Variants in CCDC122 observed in about 807,000 individuals in gnomAD.
The protein encoded by CCDC122 is coiled-coil domain-containing protein 122.
A neutral mutation model predicts 37.0 loss-of-function variants in CCDC122; 38 were observed. That is an observed-to-expected ratio of 1.03 (90% CI 0.79 to 1.35). CCDC122 has a LOEUF of 1.35. Ranked by LOEUF, CCDC122 falls within the 40% of genes most tolerant of loss-of-function variation. The probability of loss-of-function intolerance (pLI) is 0.00; values close to 1 mark genes in which losing one functional copy is unlikely to be tolerated. For synonymous variants in CCDC122, 83 were observed against 95.6 expected (o/e 0.87, Z 0.77); for missense variants, 305 against 310.0 (o/e 0.98, Z 0.12).
intron 4 of CCDC122, among the ~76,000 whole-genome samples, chr13:43,862,839 G>A (rs942460073): frequency 5.9e-5 from 9 of 152,068 alleles, no homozygotes; most frequent in Non-Finnish European, 8.8e-5. Context: ...TTGGACTAAT[G>A]TAATTGACTA....
chr13:43,825,082 A>G (rs1953027133), intron 3 of CCDC122, among the ~76,000 whole-genome samples: 1 of 152,250 alleles, frequency 6.6e-6, no homozygotes, highest in Non-Finnish European at 1.5e-5. Context: ...GTTCTACCAA[A>G]AAGACCCTTG....
chr13:43,863,330 ATGT>A (rs1253038848), intron 4 of CCDC122, among the ~76,000 whole-genome samples: 1 of 152,106 alleles, frequency 6.6e-6, no homozygotes, highest in Non-Finnish European at 1.5e-5. Flanking sequence ...AGATTCATCC[ATGT>A]TGTTGTATAT....
At chr13:43,855,615 C>G (rs993562684) in intron 6 of CCDC122, 3 of 151,698 alleles carry the variant, frequency 2.0e-5, no homozygotes, top group African/African-American at 7.3e-5. Context: ...CATCATAAAT[C>G]ATTAGGGAAA....
chr13:43,838,459 G>A (rs978654420), intron 6 of CCDC122, among the ~76,000 whole-genome samples: 9 of 152,014 alleles, frequency 5.9e-5, no homozygotes, highest in Admixed American at 1.3e-4. Context: ...TCTTCGTGTC[G>A]GGCCACAAGA....
chr13:43,853,333 T>C (rs533937925), intron 6 of CCDC122, among the ~76,000 whole-genome samples: 1 of 151,328 alleles, frequency 6.6e-6, no homozygotes, highest in South Asian at 2.1e-4. Flanking sequence ...AAATCAGGAG[T>C]TGCAATCCTG....
chr13:43,865,968 A>C (rs1340695234), intron 4 of CCDC122, among the ~76,000 whole-genome samples: 1 of 152,182 alleles, frequency 6.6e-6, no homozygotes, highest in Non-Finnish European at 1.5e-5. Flanking sequence ...CATTAAGTAA[A>C]ATAAGGTTTA....
intron 6 of CCDC122, among the ~76,000 whole-genome samples, chr13:43,846,831 T>C (rs1309255810): frequency 1.3e-5 from 2 of 152,048 alleles, no homozygotes; most frequent in African/African-American, 4.8e-5. Flanking sequence ...TAAGGAAAAA[T>C]TCAACATTTA....
chr13:43,846,276 G>A (rs991280220), intron 6 of CCDC122, among the ~76,000 whole-genome samples: 5 of 152,072 alleles, frequency 3.3e-5, no homozygotes, highest in East Asian at 1.9e-4. Flanking sequence ...GTTTCAACAC[G>A]TTGGCCAGGC....
intron 1 of CCDC122, among the ~76,000 whole-genome samples, chr13:43,876,983 C>T (rs13378310): frequency 0.011 from 1,713 of 152,118 alleles, 27 homozygotes; most frequent in African/African-American, 0.04. Context: ...TGGTGGTGCA[C>T]GCCTGTAATC....
chr13:43,829,976 A>T (rs1385168248), intron 3 of CCDC122, among the ~76,000 whole-genome samples: 1 of 152,026 alleles, frequency 6.6e-6, no homozygotes, highest in Non-Finnish European at 1.5e-5. Flanking sequence ...CCTGGCTGCA[A>T]GTGATTCTTC....
At chr13:43,834,610 T>G (rs1473221472), downstream of CCDC122, among the ~76,000 whole-genome samples, 2 of 151,744 alleles carry the variant, frequency 1.3e-5, no homozygotes, top group Non-Finnish European at 2.9e-5. Flanking sequence ...AACAAATTTA[T>G]AAGAAAAAAA....
Position 43,859,753 on chromosome 13 carries a change from A to G in CCDC122, c.474T>C (p.Phe158=), listed in dbSNP as rs758717187. The part of the protein sequence containing the change: ...FMTELHEKRD[F]VKKLKTMKEE... ...CTTTCATTGTCTTTAATTTTTTAAC[A>G]AAATCTCGCTTTTCATGGAGTTCAG... The change falls in exon 5 of 7, where the codon TTT becomes TTC. Residue 158 remains phenylalanine (F), a synonymous_variant. Transcript: ENST00000444614. 1 of 1,597,672 alleles carries G rather than the reference A, an allele frequency of 6.3e-7. No individual in the cohort carries two copies. The highest frequency in any genetic ancestry group is 1.2e-5 in the South Asian group (1 of 86,458).
At chr13:43,861,990 A>G (rs1289861040) in intron 4 of CCDC122, among the ~76,000 whole-genome samples, 1 of 151,950 alleles carries the variant, frequency 6.6e-6, no homozygotes, top group Admixed American at 6.6e-5. Flanking sequence ...TCCCCAATGC[A>G]CTTCTGACCA....
rs994658832 is a variant in CCDC122, at chr13:43,837,507, T to A, written c.673-78A>T. 31 of 1,285,602 alleles carry A rather than the reference T, an allele frequency of 2.4e-5. No homozygotes were observed. The South Asian group carries it at 4.8e-4, about 20-fold the overall frequency. 79.6% of individuals were successfully genotyped at this position (1,285,602 alleles called of 1,614,324 possible). A position where few individuals can be genotyped will look rare whatever the true frequency, so the allele number is the denominator to read the frequency against. Reference sequence around the variant, plus strand: ...CAGCCATAAATAATATTTTGACTACTCTAAAGAGGGAAGCACTTAATTAGA... The same window carrying A: ...CAGCCATAAATAATATTTTGACTACACTAAAGAGGGAAGCACTTAATTAGA... On this transcript the variant is annotated intron_variant, in intron 6 of 6. Coordinates refer to ENST00000444614, the MANE Select transcript of CCDC122 (RefSeq NM_144974.5).
In CCDC122 at chr13:43,837,397, C is replaced by T. The variant is rs774944101; in HGVS notation, c.705G>A (p.Lys235=). Residue 235 remains lysine, a synonymous_variant, in exon 7 of 7, where the codon AAG becomes AAA. Transcript: ENST00000444614. ...VQHKRYDAIL[K]RLHCQVNKLQ... ...GCTTGTTCACCTGACAATGCAAACG[C>T]TTAAGAATTGCATCATACCTCTTAT... is the stretch of plus-strand genomic sequence containing the variant. 1 of 1,614,000 alleles carries T rather than the reference C, an allele frequency of 6.2e-7. No homozygotes were observed. The highest frequency in any genetic ancestry group is 1.3e-5 in the African/African-American group (1 of 75,026).
chr13:43,839,630 G>C (rs1953278768), intron 6 of CCDC122, among the ~76,000 whole-genome samples: 1 of 152,190 alleles, frequency 6.6e-6, no homozygotes, highest in Non-Finnish European at 1.5e-5. Context: ...ACTGGGTCAT[G>C]TGGTAACTCC....
Position 43,858,865 on chromosome 13 carries a change from T to A in CCDC122, c.588A>T (p.Ile196=). The A allele has an allele frequency of 7.1e-7, 1 of 1,408,500 alleles. No individual in the cohort carries two copies. The highest frequency in any genetic ancestry group is 1.5e-5 in the African/African-American group (1 of 68,712). The allele number at this position is 1,408,500 out of a possible 1,614,324, so 87.3% of individuals were successfully genotyped here. A position where few individuals can be genotyped will look rare whatever the true frequency, so the allele number is the denominator to read the frequency against. Reference sequence around the variant, plus strand: ...TTTCAATGATAGATTCTTTTACAGTTATAATTTTATCCTTTAAGTTTGTAA... The same window carrying A: ...TTTCAATGATAGATTCTTTTACAGTAATAATTTTATCCTTTAAGTTTGTAA... ...EDITNLKDKI[I]TVKESIIEKT... is the part of the protein sequence containing the mutation. The change falls in exon 6 of 7, where the codon ATA becomes ATT. Residue 196 remains isoleucine (I), a synonymous_variant. Transcript: ENST00000444614.
chr13:43,824,397 G>T (rs1953020308), intron 3 of CCDC122, among the ~76,000 whole-genome samples: 1 of 152,164 alleles, frequency 6.6e-6, no homozygotes, highest in Non-Finnish European at 1.5e-5. Flanking sequence ...ACTACATACA[G>T]AAATTAACTC....
intron 6 of CCDC122, chr13:43,848,843 T>C (rs951169652): frequency 2.1e-6 from 2 of 956,290 alleles, no homozygotes; most frequent in Non-Finnish European, 2.5e-6. Flanking sequence ...AAAAGATGAT[T>C]CTTGAACTGT....
Sources: allele counts gnomAD v4.1 joint callset (sites outside exome capture counted in the v4.1 genomes callset), GRCh38; gene constraint gnomAD v4.1.1; transcripts MANE v1.5; gene names NCBI Gene and HGNC (gene_info 2026-07-23, HGNC 2026-07-21).